The following KCNJ6 variants were observed in gnomAD, a reference collection of about 807,000 sequenced individuals.
KCNJ6 encodes G protein-activated inward rectifier potassium channel 2.
KCNJ6 carries 9 observed loss-of-function variants against 34.2 expected under a neutral mutation model. The ratio of observed to expected loss-of-function variants is 0.26; its 90% CI spans 0.16 to 0.46. The LOEUF is 0.46. KCNJ6 is among the 20% of genes least tolerant of loss of function. The probability of loss-of-function intolerance (pLI) is 1.00; values close to 1 mark genes in which losing one functional copy is unlikely to be tolerated. For missense variants in KCNJ6, 236 were observed against 531.3 expected (o/e 0.44, Z 5.46); for synonymous variants, 196 against 207.1 (o/e 0.95, Z 0.46).
At chr21:37,760,841 C>T (rs1219664690) in intron 2 of KCNJ6, among the ~76,000 whole-genome samples, 1 of 152,182 alleles carries the variant, frequency 6.6e-6, no homozygotes, top group Non-Finnish European at 1.5e-5. Context: ...ACTGTTCTCC[C>T]TTCTCTTCAA....
chr21:37,759,308 A>T (rs2055048177), intron 2 of KCNJ6, among the ~76,000 whole-genome samples: 1 of 152,198 alleles, frequency 6.6e-6, no homozygotes, highest in South Asian at 2.1e-4. Context: ...GTTCCCAGAC[A>T]CACCACTGTG....
chr21:37,762,598 C>T lies in KCNJ6; in HGVS notation c.26-47467G>A, dbSNP rs2055071258. Among the ~76,000 whole-genome samples, 8 of 152,166 alleles carry T rather than the reference C, an allele frequency of 5.3e-5. 1 individual carries two copies. The South Asian group carries it at 1.4e-3, about 28-fold the overall frequency. On this transcript the variant is annotated intron_variant, in intron 2 of 3. Transcript: ENST00000609713. ...AATGGGGACCCTGTTGAGGTCAACT[C>T]TTGTATGTTACCAACGCCCACAGCT...
chr21:37,862,791 A>C (rs2055601277), intron 1 of KCNJ6, among the ~76,000 whole-genome samples: 1 of 152,224 alleles, frequency 6.6e-6, no homozygotes, highest in African/African-American at 2.4e-5. Flanking sequence ...CGGTCCCCTC[A>C]ACAGCCAGGG....
intron 3 of KCNJ6, among the ~76,000 whole-genome samples, chr21:37,679,097 A>G (rs1465974349): frequency 6.6e-6 from 1 of 152,192 alleles, no homozygotes; most frequent in Admixed American, 6.5e-5. Flanking sequence ...ACTTATAGAG[A>G]TGTCCACGTA....
intron 2 of KCNJ6, among the ~76,000 whole-genome samples, chr21:37,831,956 C>T (rs889612288): frequency 2.0e-5 from 3 of 152,086 alleles, no homozygotes; most frequent in Non-Finnish European, 2.9e-5. Flanking sequence ...GTAGAAGGCA[C>T]ACTGATGGAC....
chr21:37,657,871 A>C (rs777328432), intron 3 of KCNJ6, among the ~76,000 whole-genome samples: 2 of 152,244 alleles, frequency 1.3e-5, no homozygotes, highest in African/African-American at 4.8e-5. Flanking sequence ...CTGAGAAATC[A>C]GTATTTCACG....
intron 2 of KCNJ6, among the ~76,000 whole-genome samples, chr21:37,765,662 C>T (rs963491731): frequency 6.6e-6 from 1 of 152,216 alleles, no homozygotes; most frequent in African/African-American, 2.4e-5. Flanking sequence ...ATACCTGTTA[C>T]ATTGTGCATA....
chr21:37,624,882 C>T lies in KCNJ6; in HGVS notation c.*277G>A. On this transcript the variant is annotated 3_prime_UTR_variant, in exon 4 of 4. Transcript: ENST00000609713. Reference sequence around the variant, plus strand: ...CATGCAGGTAAGTAACTGAAATCTCCAGGAGTTGGATGTGTAGTATTTTGG... The same window carrying T: ...CATGCAGGTAAGTAACTGAAATCTCTAGGAGTTGGATGTGTAGTATTTTGG... 2.1e-6 allele frequency: 1 copy of T among 468,166 alleles called. No individual in the cohort carries two copies. Among genetic ancestry groups the T allele is most frequent in the Non-Finnish European group, 3.8e-6 (1 of 262,974 alleles). 29.0% of individuals were successfully genotyped at this position (468,166 alleles called of 1,614,324 possible). A position where few individuals can be genotyped will look rare whatever the true frequency, so the allele number is the denominator to read the frequency against.
intron 2 of KCNJ6, among the ~76,000 whole-genome samples, chr21:37,767,357 A>G (rs1413062844): frequency 6.6e-6 from 1 of 152,230 alleles, no homozygotes; most frequent in Non-Finnish European, 1.5e-5. Flanking sequence ...AGAAGGGTCA[A>G]AAGGACAGTA....
rs7280932 is a variant in KCNJ6, at chr21:37,688,987, C to T, written c.946+25224G>A. ...TAGATATATGTATTGTAGATATACA[C>T]CAAAGGTGCATATATCATTGGTGAT... On this transcript the variant is annotated intron_variant, in intron 3 of 3. Coordinates refer to ENST00000609713, the MANE Select transcript of KCNJ6 (RefSeq NM_002240.5). Among the ~76,000 whole-genome samples the T allele has an allele frequency of 1.7e-3, 255 of 152,072 alleles. 1 individual carries two copies. Among genetic ancestry groups the T allele is most frequent in the African/African-American group, 5.7e-3 (237 of 41,490 alleles).
rs1433573066 is a variant in KCNJ6 at position 37,618,212 on chromosome 21, G to C, written c.*6947C>G. ...GACTGGCTGAAGACCCAGAGGTTTG[G>C]GTAATGCACGGCTGACCGAAACTCT... is the stretch of plus-strand genomic sequence containing the variant. On this transcript the variant is annotated 3_prime_UTR_variant, in exon 4 of 4. Transcript: ENST00000609713. 1 of 152,262 alleles carries C rather than the reference G, an allele frequency of 6.6e-6. No homozygotes were observed. The highest frequency in any genetic ancestry group is 1.5e-5 in the Non-Finnish European group (1 of 68,092). The allele number at this position is 152,262 out of a possible 1,614,324, so 9.4% of individuals were successfully genotyped here.
At chr21:37,851,807 C>A (rs965125084) in intron 1 of KCNJ6, among the ~76,000 whole-genome samples, 1 of 151,628 alleles carries the variant, frequency 6.6e-6, no homozygotes, top group African/African-American at 2.4e-5. Flanking sequence ...ATATGACAAA[C>A]TTAAGTTGAC....
At chr21:37,716,359 T>C (rs1353824459) in intron 2 of KCNJ6, among the ~76,000 whole-genome samples, 1 of 151,354 alleles carries the variant, frequency 6.6e-6, no homozygotes, top group Non-Finnish European at 1.5e-5. Flanking sequence ...GGTTATTTTT[T>C]TTCTTTTAAA....
intron 2 of KCNJ6, among the ~76,000 whole-genome samples, chr21:37,810,973 C>G (rs762532841): frequency 6.6e-6 from 1 of 152,182 alleles, no homozygotes; most frequent in Non-Finnish European, 1.5e-5. Context: ...TGGATGGGAA[C>G]TGATCATCAG....
chr21:37,731,853 T>C (rs2054887121), intron 2 of KCNJ6, among the ~76,000 whole-genome samples: 1 of 152,156 alleles, frequency 6.6e-6, no homozygotes, highest in Non-Finnish European at 1.5e-5. Context: ...GAGGGGGCTC[T>C]GCTGATAAGA....
chr21:37,642,350 G>A (rs1469762605), intron 3 of KCNJ6, among the ~76,000 whole-genome samples: 3 of 152,282 alleles, frequency 2.0e-5, no homozygotes, highest in Admixed American at 6.5e-5. Context: ...AGGCTGGAGA[G>A]GCAGTAGAAG....
intron 1 of KCNJ6, among the ~76,000 whole-genome samples, chr21:37,861,855 C>A (rs1459734477): frequency 1.3e-5 from 2 of 152,194 alleles, no homozygotes; most frequent in African/African-American, 4.8e-5. Flanking sequence ...AAGTAGGGGA[C>A]CATCAGCCTC....
intron 3 of KCNJ6, among the ~76,000 whole-genome samples, chr21:37,689,514 G>A (rs2054630297): frequency 6.6e-6 from 1 of 152,078 alleles, no homozygotes; most frequent in Non-Finnish European, 1.5e-5. Flanking sequence ...AGTTCAGGTC[G>A]AACATTCACG....
In KCNJ6 at chr21:37,885,712, A is replaced by G. The variant is rs1298652565; in HGVS notation, c.-28+30172T>C. On this transcript the variant is annotated intron_variant, in intron 1 of 3. Coordinates refer to ENST00000609713, the MANE Select transcript of KCNJ6 (RefSeq NM_002240.5). ...CCTCAAGGAATTGAATTCTGCCAAC[A>G]GCCACGTGAGTTTGCAAGAGGACCC... Among the ~76,000 whole-genome samples, 4 of 152,216 alleles carry G rather than the reference A, an allele frequency of 2.6e-5. No individual in the cohort carries two copies. The East Asian group carries it at 7.7e-4, about 29-fold the overall frequency.
Sources: gnomAD v4.1 joint callset for allele counts (sites outside exome capture counted in the v4.1 genomes callset) on GRCh38, gnomAD v4.1.1 for gene constraint, MANE v1.5 for transcripts, NCBI Gene and HGNC (gene_info 2026-07-23, HGNC 2026-07-21) for gene names.